The following ETS1 variants were observed in gnomAD, a reference collection of about 807,000 sequenced individuals.
ETS1 encodes the protein protein C-ets-1.
In ETS1, 15 loss-of-function variants were observed where a neutral mutation model predicts 58.6. The observed-to-expected ratio is 0.26, with a 90% CI of 0.17 to 0.39. The LOEUF is 0.39. Among genes scored for constraint, ETS1 ranks in the 10% least tolerant of loss-of-function variants. The probability of loss-of-function intolerance (pLI) is 1.00; values close to 1 mark genes in which losing one functional copy is unlikely to be tolerated. For missense variants in ETS1, 417 were observed against 610.5 expected (o/e 0.68, Z 3.34); for synonymous variants, 214 against 218.2 (o/e 0.98, Z 0.17).
At chr11:128,562,556 C>G (rs547804541) in intron 2 of ETS1, among the ~76,000 whole-genome samples, 150 of 152,310 alleles carry the variant, frequency 9.8e-4, no homozygotes, top group South Asian at 5.0e-3. Flanking sequence ...TCTCCCTGTC[C>G]TCTTAGAAAG....
intron 8 of ETS1, among the ~76,000 whole-genome samples, chr11:128,465,618 G>A (rs967178063): frequency 1.3e-4 from 20 of 152,168 alleles, no homozygotes; most frequent in Non-Finnish European, 2.8e-4. Context: ...AGAAACTCAC[G>A]ATAACTATAG....
chr11:128,517,619 T>G (rs1180673832), intron 3 of ETS1, among the ~76,000 whole-genome samples: 2 of 152,212 alleles, frequency 1.3e-5, no homozygotes, highest in Non-Finnish European at 2.9e-5. Flanking sequence ...CATGGATTAT[T>G]CATTACACAA....
chr11:128,462,538 C>T lies in ETS1; in HGVS notation c.1281G>A (p.Lys427=), dbSNP rs1426864672. 3 of 1,614,022 alleles carry T rather than the reference C, an allele frequency of 1.9e-6. No individual in the cohort carries two copies. The highest frequency in any genetic ancestry group is 2.5e-6 in the Non-Finnish European group (3 of 1,180,016). The change falls in exon 10 of 10, where the codon AAG becomes AAA. Residue 427 remains lysine (K), a synonymous_variant. Transcript: ENST00000392668. ...CACGGCTCAGTTTCTCATAATTCAT[C>T]TTAGGTTTGTTTTTCCTCTTTCCCC... ...RRWGKRKNKP[K]MNYEKLSRGL...
chr11:128,517,706 TC>T (rs1863561988), intron 3 of ETS1, among the ~76,000 whole-genome samples: 1 of 151,840 alleles, frequency 6.6e-6, no homozygotes, highest in Admixed American at 6.6e-5. Context: ...ACAGGGAGAC[TC>T]TCCTGAAAAA....
chr11:128,486,418 A>T (rs1297301447), intron 5 of ETS1, among the ~76,000 whole-genome samples: 1 of 152,236 alleles, frequency 6.6e-6, no homozygotes, highest in Non-Finnish European at 1.5e-5. Context: ...CTAAGGGCTC[A>T]GAAGGCATTC....
intron 3 of ETS1, among the ~76,000 whole-genome samples, chr11:128,524,398 G>A (rs560703340): frequency 7.2e-5 from 11 of 152,226 alleles, no homozygotes; most frequent in South Asian, 2.1e-4. Flanking sequence ...ATAGCCAGGC[G>A]CCACCACAGG....
At chr11:128,534,580 C>T (rs186722176) in intron 3 of ETS1, among the ~76,000 whole-genome samples, 121 of 152,250 alleles carry the variant, frequency 7.9e-4, no homozygotes, top group African/African-American at 2.7e-3. Flanking sequence ...TCTCTTTCCC[C>T]GTACCCCTCC....
chr11:128,493,885 G>C (rs1862869292), intron 3 of ETS1, among the ~76,000 whole-genome samples: 3 of 152,160 alleles, frequency 2.0e-5, no homozygotes, highest in Admixed American at 6.5e-5. Context: ...CATGTTGTTT[G>C]CAGATTGTAG....
At chr11:128,506,373 T>A (rs57935847) in intron 3 of ETS1, among the ~76,000 whole-genome samples, 211 of 152,318 alleles carry the variant, frequency 1.4e-3, no homozygotes, top group African/African-American at 4.8e-3. Flanking sequence ...ACCTTGGTGA[T>A]AGATCCCTCA....
chr11:128,473,094 G>C (rs1862230537), intron 8 of ETS1, among the ~76,000 whole-genome samples: 1 of 152,148 alleles, frequency 6.6e-6, no homozygotes, highest in African/African-American at 2.4e-5. Context: ...TTCCTCATGT[G>C]ATATTTGGTG....
intron 1 of ETS1, among the ~76,000 whole-genome samples, chr11:128,576,554 C>T (rs1322236136): frequency 6.6e-6 from 1 of 152,100 alleles, no homozygotes; most frequent in African/African-American, 2.4e-5. Flanking sequence ...ATGATTTGGA[C>T]GCTGGGTAAC....
At chr11:128,478,925 A>G (rs1217715741) in intron 8 of ETS1, among the ~76,000 whole-genome samples, 1 of 152,244 alleles carries the variant, frequency 6.6e-6, no homozygotes. Context: ...AGGGTATTGT[A>G]GAAAGAATAA....
intron 3 of ETS1, chr11:128,522,427 T>G: frequency 1.1e-6 from 1 of 872,656 alleles, no homozygotes; most frequent in Non-Finnish European, 1.4e-6. Context: ...CGATGTCCGC[T>G]TGGGGGAGCG....
chr11:128,559,242 G>A (rs1341811606), intron 2 of ETS1, among the ~76,000 whole-genome samples: 1 of 152,218 alleles, frequency 6.6e-6, no homozygotes, highest in Non-Finnish European at 1.5e-5. Flanking sequence ...AGGTGACATT[G>A]GCAAAGAGGG....
intron 8 of ETS1, among the ~76,000 whole-genome samples, chr11:128,470,774 A>G (rs555004792): frequency 6.6e-6 from 1 of 152,324 alleles, no homozygotes; most frequent in South Asian, 2.1e-4. Flanking sequence ...ACTTTGAAAA[A>G]GTAGAAAGTT....
chr11:128,500,147 G>A (rs1031011531), intron 3 of ETS1, among the ~76,000 whole-genome samples: 5 of 152,124 alleles, frequency 3.3e-5, no homozygotes, highest in African/African-American at 9.7e-5. Flanking sequence ...GGGGGTAGCC[G>A]CCAAGGGAGA....
intron 3 of ETS1, among the ~76,000 whole-genome samples, chr11:128,542,369 A>G (rs997224086): frequency 1.3e-5 from 2 of 152,174 alleles, no homozygotes; most frequent in Non-Finnish European, 2.9e-5. Context: ...CAGGAAGAGA[A>G]GAGGGAGGAA....
At chr11:128,585,129 A>G (rs1388261741) in intron 1 of ETS1, among the ~76,000 whole-genome samples, 1 of 11,648 alleles carries the variant, frequency 8.6e-5, no homozygotes, top group Non-Finnish European at 1.4e-4. Flanking sequence ...AGAAAGAAGA[A>G]AGAAAGAAAA....
At chr11:128,535,864 G>A (rs966539713) in intron 3 of ETS1, among the ~76,000 whole-genome samples, 1 of 152,196 alleles carries the variant, frequency 6.6e-6, no homozygotes, top group Non-Finnish European at 1.5e-5. Flanking sequence ...CCATGATCTT[G>A]TAGTTAATCA....
Sources: allele counts gnomAD v4.1 joint callset (sites outside exome capture counted in the v4.1 genomes callset), GRCh38; gene constraint gnomAD v4.1.1; transcripts MANE v1.5; gene names NCBI Gene and HGNC (gene_info 2026-07-23, HGNC 2026-07-21).